Variants in NAALADL1 observed in about 807,000 individuals in gnomAD.
The protein encoded by NAALADL1 is aminopeptidase NAALADL1.
A neutral mutation model predicts 82.8 loss-of-function variants in NAALADL1; 77 were observed. The ratio of observed to expected loss-of-function variants is 0.93; its 90% CI spans 0.77 to 1.12. The LOEUF (loss-of-function observed/expected upper bound fraction) is 1.12. Among genes scored for constraint, NAALADL1 ranks in the 50% most tolerant of loss-of-function variants. NAALADL1 has a pLI of 0.00. For missense variants in NAALADL1, 956 were observed against 964.0 expected (o/e 0.99, Z 0.11); for synonymous variants, 358 against 399.2 (o/e 0.90, Z 1.23).
intron 8 of NAALADL1, among the ~76,000 whole-genome samples, chr11:65,050,336 G>C (rs2136996035): frequency 2.0e-5 from 3 of 152,028 alleles, no homozygotes; most frequent in Middle Eastern, 6.8e-3. Flanking sequence ...AAATTAGCCA[G>C]GCGTGGTGGC....
In NAALADL1 at chr11:65,057,991, G is replaced by T. The variant is rs752036910; in HGVS notation, c.364C>A (p.Pro122Thr). ...EQPNVVDIVG[P>T]TGGIIHSCHR... ...CAGGAGTGGATGATGCCCCCAGTGG[G>T]GCCCACTGTTGGAGGGGTGGCAGTA... is the stretch of plus-strand genomic sequence containing the variant. Residue 122 changes from proline (P) to threonine (T), a missense_variant, in exon 3 of 18, where the codon CCC (proline) becomes ACC (threonine). Coordinates refer to ENST00000358658, the MANE Select transcript of NAALADL1 (RefSeq NM_005468.3). The T allele has an allele frequency of 5.0e-6, 8 of 1,614,136 alleles. No individual in the cohort carries two copies. The highest frequency in any genetic ancestry group is 6.8e-6 in the Non-Finnish European group (8 of 1,180,006).
rs1467481004 is a variant in NAALADL1 at position 65,057,910 on chromosome 11, G to C, written c.445C>G (p.Pro149Ala). 13 of 1,613,950 alleles carry C rather than the reference G, an allele frequency of 8.1e-6. No homozygotes were observed. The highest frequency in any genetic ancestry group is 1.1e-5 in the Non-Finnish European group (13 of 1,180,000). Residue 149 changes from proline to alanine, a missense_variant, in exon 3 of 18, where the codon CCC (proline) becomes GCC (alanine). Transcript: ENST00000358658. ...GEQGGPDVVQ[P>A]YAAYAPSGTP... is the part of the protein sequence containing the mutation. ...CCAGAAGGAGCATAGGCAGCATAGG[G>C]TTGTACCACATCTGGCCCCCCTTGC...
At chr11:65,051,888 A>G (rs1403087662) in intron 8 of NAALADL1, among the ~76,000 whole-genome samples, 1 of 152,168 alleles carries the variant, frequency 6.6e-6, no homozygotes, top group African/African-American at 2.4e-5. Flanking sequence ...CAATTTTGTT[A>G]TGTATATTTT....
Position 65,057,544 on chromosome 11 carries a change from T to C in NAALADL1, c.481-51A>G. ...AGAGCTGGGCCCAGCGAAGTGTGGGTGGGGAAGGGGGGTGGAAGTTTGCAT... is the reference window on the plus strand; with the variant it reads ...AGAGCTGGGCCCAGCGAAGTGTGGGCGGGGAAGGGGGGTGGAAGTTTGCAT... On this transcript the variant is annotated intron_variant, in intron 3 of 17. Coordinates refer to ENST00000358658, the MANE Select transcript of NAALADL1 (RefSeq NM_005468.3). 1.9e-6 allele frequency: 3 copies of C among 1,574,628 alleles called. No homozygotes were observed. The South Asian group carries it at 3.5e-5, about 18-fold the overall frequency.
Position 65,058,182 on chromosome 11 carries a change from T to C in NAALADL1, c.254A>G (p.Gln85Arg). Reference sequence around the variant, plus strand: ...GCCTGACTCTGGGTCCTTCCAGCGCTGCAGCAGCAGCTGCACCAGGTCCTC... The same window carrying C: ...GCCTGACTCTGGGTCCTTCCAGCGCCGCAGCAGCAGCTGCACCAGGTCCTC... ...RDEDLVQLLL[Q>R]RWKDPESGLD... The change falls in exon 2 of 18, where the codon CAG becomes CGG. Residue 85 changes from glutamine to arginine, a missense_variant. Gln to Arg is a conservative substitution (Grantham distance 43, BLOSUM62 1). Transcript: ENST00000358658. The C allele has an allele frequency of 6.2e-7, 1 of 1,613,856 alleles. No individual in the cohort carries two copies. The highest frequency in any genetic ancestry group is 8.5e-7 in the Non-Finnish European group (1 of 1,179,888).
chr11:65,058,042 ACC>A, intron 2 of NAALADL1, 34 bp downstream of exon 2: 1 of 1,611,764 alleles, frequency 6.2e-7, no homozygotes. Context: ...GCAGCTCCCC[ACC>A]CCCGGGCATT....
At chr11:65,052,738 C>A (rs1449662221) in intron 8 of NAALADL1, among the ~76,000 whole-genome samples, 1 of 152,224 alleles carries the variant, frequency 6.6e-6, no homozygotes, top group African/African-American at 2.4e-5. Flanking sequence ...GCTCTGCCAC[C>A]TCGCCCAGCC....
intron 13 of NAALADL1, among the ~76,000 whole-genome samples, chr11:65,047,043 A>G (rs1946749086): frequency 1.4e-5 from 2 of 143,346 alleles, no homozygotes; most frequent in South Asian, 4.3e-4. Context: ...ATGCCATCTT[A>G]CAACTGGTTG....
chr11:65,058,044 C>A, intron 2 of NAALADL1, 34 bp downstream of exon 2: 1 of 1,612,832 alleles, frequency 6.2e-7, no homozygotes, highest in Non-Finnish European at 8.5e-7. Context: ...AGCTCCCCAC[C>A]CCCGGGCATT....
chr11:65,058,639 G>A, upstream of NAALADL1: 1 of 981,414 alleles, frequency 1.0e-6, no homozygotes. Flanking sequence ...ACCCCCAGCT[G>A]GCAGGGAGAG....
intron 4 of NAALADL1, among the ~76,000 whole-genome samples, chr11:65,056,828 C>G (rs1270767098): frequency 6.6e-6 from 1 of 150,620 alleles, no homozygotes; most frequent in Non-Finnish European, 1.5e-5. Flanking sequence ...AGCAGTTCAT[C>G]TGCCTGAGCC....
chr11:65,048,286 G>A lies in NAALADL1; in HGVS notation c.1284+14C>T. ...GGAACCCCTTTCGATCCCCTACCCT[G>A]TAGGGCCACTCACTTCTGTGAATTC... On this transcript the variant is annotated intron_variant, in intron 9 of 17. Coordinates refer to ENST00000358658, the MANE Select transcript of NAALADL1 (RefSeq NM_005468.3). The A allele has an allele frequency of 6.2e-7, 1 of 1,614,164 alleles. No individual in the cohort carries two copies. Among genetic ancestry groups the A allele is most frequent in the Non-Finnish European group, 8.5e-7 (1 of 1,180,030 alleles).
Position 65,057,909 on chromosome 11 carries a change from G to T in NAALADL1, c.446C>A (p.Pro149His), listed in dbSNP as rs2137038239. ...GEQGGPDVVQ[P>H]YAAYAPSGTP... ...TCCAGAAGGAGCATAGGCAGCATAG[G>T]GTTGTACCACATCTGGCCCCCCTTG... Residue 149 changes from proline to histidine, a missense_variant, in exon 3 of 18, where the codon CCC (proline) becomes CAC (histidine). Transcript: ENST00000358658. 8.7e-6 allele frequency: 14 copies of T among 1,614,078 alleles called. No homozygotes were observed. The highest frequency in any genetic ancestry group is 1.0e-5 in the Non-Finnish European group (12 of 1,179,992).
chr11:65,057,455 G>C lies in NAALADL1; in HGVS notation c.519C>G (p.Asp173Glu). Residue 173 changes from aspartate to glutamate, a missense_variant, in exon 4 of 18, where the codon GAC becomes GAG. Transcript: ENST00000358658. ...LVYANRGAEE[D>E]FKELQTQGIK... is the part of the protein sequence containing the mutation. ...TGCCCTGAGTCTGTAGCTCCTTAAA[G>C]TCTTCTTCCGCGCCCCGGTTGGCAT... 1 of 1,614,196 alleles carries C rather than the reference G, an allele frequency of 6.2e-7. No individual in the cohort carries two copies. The highest frequency in any genetic ancestry group is 8.5e-7 in the Non-Finnish European group (1 of 1,180,026).
At chr11:65,049,899 T>A (rs1427376208) in intron 8 of NAALADL1, among the ~76,000 whole-genome samples, 1 of 151,600 alleles carries the variant, frequency 6.6e-6, no homozygotes, top group Non-Finnish European at 1.5e-5. Flanking sequence ...TTTTTTGAGA[T>A]GGAGTCTCAC....
chr11:65,054,227 G>C lies in NAALADL1; in HGVS notation c.992+23C>G. The C allele has an allele frequency of 5.0e-6, 8 of 1,601,960 alleles. No individual in the cohort carries two copies. Among genetic ancestry groups the C allele is most frequent in the Non-Finnish European group, 6.8e-6 (8 of 1,171,410 alleles). Reference sequence around the variant, plus strand: ...GTTGGGGGAGAGGGCAACTGAGGGAGACCTGGTCTGGCTGCATCTCACCTG... The same window carrying C: ...GTTGGGGGAGAGGGCAACTGAGGGACACCTGGTCTGGCTGCATCTCACCTG... On this transcript the variant is annotated intron_variant, in intron 6 of 17. Transcript: ENST00000358658. This position sits in a 1 kb window ranked among gnomAD's most constrained non-coding sequence, Gnocchi z 4.3.
rs200427688 is a variant in NAALADL1 at position 65,045,305 on chromosome 11, G to A, written c.2189C>T (p.Ala730Val). Residue 730 changes from alanine to valine, a missense_variant, in exon 18 of 18, where the codon GCG becomes GTG. Transcript: ENST00000358658. ...AGCCACAGGCCTCAGGGTGGCTGCC[G>A]CACCCTCCAGGGCTGTCACCACAAT... is the stretch of plus-strand genomic sequence containing the variant. ...LSIVVTALEG[A>V]AATLRPVADL 5.8e-5 allele frequency: 94 copies of A among 1,607,980 alleles called. No individual in the cohort carries two copies. Among genetic ancestry groups the A allele is most frequent in the African/African-American group, 5.7e-4 (43 of 74,908 alleles).
At chr11:65,051,355 G>T (rs1590763609) in intron 8 of NAALADL1, among the ~76,000 whole-genome samples, 1 of 21,898 alleles carries the variant, frequency 4.6e-5, no homozygotes, top group African/African-American at 1.3e-4. Context: ...TTTTTTTTTT[G>T]AGACAGGGTC....
Position 65,045,339 on chromosome 11 carries a change from G to C in NAALADL1, c.2155C>G (p.Gln719Glu), listed in dbSNP as rs998033441. Residue 719 changes from glutamine to glutamate, a missense_variant, in exon 18 of 18, where the codon CAG becomes GAG. Physicochemically the swap from Gln to Glu is conservative, Grantham distance 29. Coordinates refer to ENST00000358658, the MANE Select transcript of NAALADL1 (RefSeq NM_005468.3). ...AGGGCTGTCACCACAATGCTGAGCTGTCTCTGGACCTCAGCCCAAGCTTCA... is the reference window on the plus strand; with the variant it reads ...AGGGCTGTCACCACAATGCTGAGCTCTCTCTGGACCTCAGCCCAAGCTTCA... ...GSEAWAEVQR[Q>E]LSIVVTALEG... The C allele has an allele frequency of 1.2e-6, 2 of 1,610,518 alleles. No individual in the cohort carries two copies. Among genetic ancestry groups the C allele is most frequent in the South Asian group, 1.1e-5 (1 of 90,298 alleles).
Sources: allele counts gnomAD v4.1 joint callset (sites outside exome capture counted in the v4.1 genomes callset), GRCh38; gene constraint gnomAD v4.1.1; non-coding constraint Gnocchi (gnomAD v3.1); transcripts MANE v1.5; gene names NCBI Gene and HGNC (gene_info 2026-07-23, HGNC 2026-07-21).